Variants in CAST observed in about 807,000 individuals in gnomAD.
CAST encodes the protein calpastatin.
A neutral mutation model predicts 119.6 loss-of-function variants in CAST; 76 were observed. The observed-to-expected ratio is 0.64, with a 90% CI of 0.53 to 0.77. The LOEUF is 0.77. CAST is among the 30% of genes least tolerant of loss of function. The pLI is 0.00. For synonymous variants in CAST, 319 were observed against 331.6 expected (o/e 0.96, Z 0.41); for missense variants, 953 against 946.5 (o/e 1.01, Z -0.09).
At chr5:95,989,415 A>T in the CAST span, among the ~76,000 whole-genome samples, 1 of 152,180 alleles carries the variant, frequency 6.6e-6, no homozygotes, top group Non-Finnish European at 1.5e-5. Context: ...CTCCCCAGTG[A>T]GTAGAAAGTG....
chr5:96,397,456 C>T, the CAST span: 3 of 1,613,062 alleles, frequency 1.9e-6, no homozygotes, highest in African/African-American at 2.7e-5. Context: ...CAGCCAAGAG[C>T]ACAGTGCTAG....
In CAST at chr5:96,710,045, A is replaced by G. The variant is rs147468594; in HGVS notation, c.211-12594A>G. On this transcript the variant is annotated intron_variant, in intron 3 of 31. Coordinates refer to ENST00000675179, the MANE Select transcript of CAST (RefSeq NM_001750.7). ...TCCTGGGGTTTAGGGACATAAGACTAAAGAGGACAAGTATTATTGAGGTAC... is the reference window on the plus strand; with the variant it reads ...TCCTGGGGTTTAGGGACATAAGACTGAAGAGGACAAGTATTATTGAGGTAC... Among the ~76,000 whole-genome samples the G allele has an allele frequency of 1.0e-3, 154 of 152,334 alleles. 1 individual carries two copies. Among genetic ancestry groups the G allele is most frequent in the African/African-American group, 3.6e-3 (151 of 41,580 alleles).
At position 96,581,877 on chromosome 5, in the gene CAST, C is replaced by T. The variant is rs554915313; in HGVS notation, c.60+51997C>T. ...CTCCACTCCAGCCTGGGCGACAGAG[C>T]GAAACTCTGTCTCAAAAAATAAATA... On this transcript the variant is annotated intron_variant, in intron 1 of 11. Transcript: ENST00000505143. Among the ~76,000 whole-genome samples the T allele has an allele frequency of 4.8e-5, 7 of 145,890 alleles. No individual in the cohort carries two copies. In the South Asian group the frequency reaches 1.1e-3, roughly 24 times the overall value.
chr5:96,474,933 T>A, the CAST span, among the ~76,000 whole-genome samples: 1 of 152,202 alleles, frequency 6.6e-6, no homozygotes, highest in East Asian at 1.9e-4. Flanking sequence ...CAAATAACTA[T>A]GCTATTTAGC....
chr5:95,981,651 G>A, the CAST span, among the ~76,000 whole-genome samples: 4 of 152,102 alleles, frequency 2.6e-5, no homozygotes, highest in African/African-American at 7.2e-5. Flanking sequence ...CGAGGCGGGC[G>A]GATCACGTGG....
At chr5:96,432,222 G>A in the CAST span, 1 of 1,102,110 alleles carries the variant, frequency 9.1e-7, no homozygotes. Context: ...TCCCTAGAGA[G>A]TCGCGGGGAT....
At chr5:96,211,954 A>T in the CAST span, among the ~76,000 whole-genome samples, 3 of 152,092 alleles carry the variant, frequency 2.0e-5, no homozygotes, top group African/African-American at 7.2e-5. Flanking sequence ...TCTTTTTAAT[A>T]TCTGCAGGAT....
chr5:96,491,527 T>TAAAAAAAAAAAAAAAAAAAAAAAA, the CAST span, among the ~76,000 whole-genome samples: 4 of 106,098 alleles, frequency 3.8e-5, no homozygotes. Flanking sequence ...AAAAAAAAAT[T>TAAAAAAAAAAAAAAAAAAAAAAAA]AAAAAGACCA....
At chr5:96,346,731 A>C in the CAST span, among the ~76,000 whole-genome samples, 1 of 152,114 alleles carries the variant, frequency 6.6e-6, no homozygotes, top group Admixed American at 6.6e-5. Context: ...TGGGCTATAC[A>C]GTATGTGGGA....
intron 2 of CAST, among the ~76,000 whole-genome samples, chr5:96,686,301 A>C (rs1293550652): frequency 6.6e-6 from 1 of 152,148 alleles, no homozygotes; most frequent in Non-Finnish European, 1.5e-5. Context: ...TCTAACCCTC[A>C]CTACCAAAAT....
chr5:96,073,956 C>G, the CAST span, among the ~76,000 whole-genome samples: 2 of 152,170 alleles, frequency 1.3e-5, no homozygotes, highest in African/African-American at 4.8e-5. Flanking sequence ...TCCTCCCACC[C>G]CTGCCCCCAT....
chr5:96,731,138 C>A (rs561200502), intron 9 of CAST, among the ~76,000 whole-genome samples: 4 of 152,332 alleles, frequency 2.6e-5, no homozygotes, highest in Admixed American at 6.5e-5. Flanking sequence ...CTCAGACTCT[C>A]CCTTCCAAAT....
At chr5:96,273,316 G>T in the CAST span, among the ~76,000 whole-genome samples, 1 of 152,226 alleles carries the variant, frequency 6.6e-6, no homozygotes, top group Non-Finnish European at 1.5e-5. Flanking sequence ...GGATAAGCTT[G>T]TTAACCTAGC....
chr5:96,279,644 C>G, the CAST span, among the ~76,000 whole-genome samples: 2 of 152,194 alleles, frequency 1.3e-5, no homozygotes, highest in African/African-American at 2.4e-5. Flanking sequence ...TACAGTGTCA[C>G]TAGAGCACCA....
At chr5:96,610,456 T>C (rs1323266041) in intron 1 of CAST, among the ~76,000 whole-genome samples, 1 of 152,196 alleles carries the variant, frequency 6.6e-6, no homozygotes, top group East Asian at 1.9e-4. Flanking sequence ...AGGCATTCGA[T>C]AAAATCCAAC....
the CAST span, among the ~76,000 whole-genome samples, chr5:96,351,688 G>C: frequency 1.3e-5 from 2 of 151,946 alleles, no homozygotes; most frequent in East Asian, 1.9e-4. Flanking sequence ...AGGTAGTGTG[G>C]GTGTAATGAG....
the CAST span, among the ~76,000 whole-genome samples, chr5:96,365,454 A>G: frequency 6.6e-6 from 1 of 152,330 alleles, no homozygotes; most frequent in African/African-American, 2.4e-5. Flanking sequence ...ATTGTGTGGT[A>G]GTCTAAGTCT....
the CAST span, among the ~76,000 whole-genome samples, chr5:96,257,348 T>G: frequency 6.6e-6 from 1 of 152,268 alleles, no homozygotes; most frequent in East Asian, 1.9e-4. Context: ...ATCAAATGCA[T>G]TACAAATAAT....
At chr5:96,412,888 T>TTG in the CAST span, 1 of 359,504 alleles carries the variant, frequency 2.8e-6, no homozygotes, top group Non-Finnish European at 4.2e-6. Flanking sequence ...ACAAAATGTT[T>TTG]GCCCTCCCTC....
Sources: gnomAD v4.1 joint callset for allele counts (sites outside exome capture counted in the v4.1 genomes callset) on GRCh38, gnomAD v4.1.1 for gene constraint, MANE v1.5 for transcripts, NCBI Gene and HGNC (gene_info 2026-07-23, HGNC 2026-07-21) for gene names.